Variants in FAM118A observed in about 807,000 individuals in gnomAD.
The protein encoded by FAM118A is SIR2 antiphage like 2, also known as protein FAM118A.
A neutral mutation model predicts 38.2 loss-of-function variants in FAM118A; 25 were observed. The observed-to-expected ratio is 0.65, with a 90% CI of 0.48 to 0.91. The LOEUF (loss-of-function observed/expected upper bound fraction) is 0.91, where lower values mean the gene tolerates loss of function less well. Ranked by LOEUF, FAM118A falls within the 40% of genes least tolerant of loss-of-function variation. The pLI is 0.00. For synonymous variants in FAM118A, 178 were observed against 184.1 expected, an observed-to-expected ratio of 0.97 and a Z score of 0.27; for missense variants, 425 against 463.3, an observed-to-expected ratio of 0.92 and a Z score of 0.76.
At chr22:45,329,493 GAT>G (rs1156475787) in intron 4 of FAM118A, 1 of 152,198 alleles carries the variant, frequency 6.6e-6, no homozygotes, top group Non-Finnish European at 1.5e-5. Context: ...TGTGACTCTT[GAT>G]ATTTCTTTTG....
At position 45,327,876 on chromosome 22, in the gene FAM118A, A is replaced by G; in HGVS notation, c.335A>G (p.Asp112Gly). ...GATGCCAAGCCCAGCTTCTTCCAGG[A>G]CTGCCTGATGGAGGTGTTTGACGAC... The part of the protein sequence containing the change: ...TGDAKPSFFQ[D>G]CLMEVFDDLE... Residue 112 changes from aspartate (D) to glycine (G), a missense_variant, in exon 4 of 9, where the codon GAC becomes GGC. Physicochemically the swap from Asp to Gly is moderately conservative, Grantham distance 94. Coordinates refer to ENST00000441876, the MANE Select transcript of FAM118A (RefSeq NM_017911.4). 2 of 1,614,240 alleles carry G rather than the reference A, an allele frequency of 1.2e-6. No homozygotes were observed. Among genetic ancestry groups the G allele is most frequent in the South Asian group, 2.2e-5 (2 of 91,084 alleles).
At chr22:45,315,070 G>T (rs986483316) in intron 1 of FAM118A, among the ~76,000 whole-genome samples, 3 of 152,178 alleles carry the variant, frequency 2.0e-5, no homozygotes, top group Non-Finnish European at 1.5e-5. Context: ...CTCTATTAAA[G>T]GCTGAAAAAG....
chr22:45,315,900 G>A (rs888868647), intron 1 of FAM118A, among the ~76,000 whole-genome samples: 1 of 152,160 alleles, frequency 6.6e-6, no homozygotes, highest in Non-Finnish European at 1.5e-5. Flanking sequence ...TTAATTTTTT[G>A]CCCATTTGTG....
At chr22:45,310,761 G>A (rs2084328943) in intron 1 of FAM118A, among the ~76,000 whole-genome samples, 1 of 152,146 alleles carries the variant, frequency 6.6e-6, no homozygotes. Flanking sequence ...CCGGGTTTAA[G>A]TTTTAATGTT....
intron 1 of FAM118A, among the ~76,000 whole-genome samples, chr22:45,311,590 G>A (rs2084367986): frequency 6.6e-6 from 1 of 152,176 alleles, no homozygotes; most frequent in Non-Finnish European, 1.5e-5. Context: ...CAGGACCAAA[G>A]CATGCCCAGT....
At chr22:45,329,883 G>T (rs1315766058) in intron 4 of FAM118A, 1 of 152,300 alleles carries the variant, frequency 6.6e-6, no homozygotes, top group Non-Finnish European at 1.5e-5. Context: ...CTGCTGTGCG[G>T]GCTCCGGGGT....
At chr22:45,340,287 G>T (rs2086398665) in intron 8 of FAM118A, 99 bp from the exon 9 acceptor site, 4 of 1,442,350 alleles carry the variant, frequency 2.8e-6, no homozygotes, top group South Asian at 1.2e-5. Context: ...CCGTACATAA[G>T]AACAATTGTA....
At chr22:45,322,219 C>T (rs371156699) in intron 1 of FAM118A, 152 bp from the exon 2 acceptor site, 74 of 1,536,446 alleles carry the variant, frequency 4.8e-5, no homozygotes, top group Admixed American at 5.9e-5. Context: ...TTTGGATGTA[C>T]GTCATTTGCG....
rs1279576471 is a variant in FAM118A, at chr22:45,332,407, T to C, written c.652-18T>C. 2.5e-6 allele frequency: 4 copies of C among 1,599,336 alleles called. No individual in the cohort carries two copies. The highest frequency in any genetic ancestry group is 3.4e-6 in the Non-Finnish European group (4 of 1,173,448). On this transcript the variant is annotated intron_variant, in intron 5 of 8. Coordinates refer to ENST00000441876, the MANE Select transcript of FAM118A (RefSeq NM_017911.4). ...GTCTTTCAAATGAGCACTCAATTTC[T>C]TCATTGGCCTTTTCTAGGAAGTCCT...
chr22:45,322,462 T>A, intron 2 of FAM118A, 36 bp downstream of exon 2: 1 of 1,565,978 alleles, frequency 6.4e-7, no homozygotes, highest in Non-Finnish European at 8.7e-7. Flanking sequence ...AGCAGCTTCA[T>A]TGACTTCATC....
intron 6 of FAM118A, 124 bp from the exon 7 acceptor site, chr22:45,335,226 G>A (rs1001143257): frequency 2.0e-5 from 20 of 1,019,440 alleles, no homozygotes; most frequent in Admixed American, 4.2e-5. Context: ...CGCAGCCCGC[G>A]CGGGCTGACC....
intron 7 of FAM118A, 66 bp from the exon 8 acceptor site, chr22:45,336,262 T>C (rs2086087991): frequency 7.4e-7 from 1 of 1,346,784 alleles, no homozygotes; most frequent in Non-Finnish European, 1.1e-6. Context: ...AAGGTCACAT[T>C]ATGAACTGTG....
At chr22:45,339,864 T>C (rs983809487) in intron 8 of FAM118A, among the ~76,000 whole-genome samples, 1 of 152,156 alleles carries the variant, frequency 6.6e-6, no homozygotes, top group Admixed American at 6.5e-5. Flanking sequence ...AGGGGTTTTC[T>C]TCAATACCTG....
In FAM118A at chr22:45,323,347, G is replaced by A. The variant is rs34197967; in HGVS notation, c.220G>A (p.Val74Ile). The A allele has an allele frequency of 6.1e-5, 99 of 1,614,152 alleles. 4 individuals are homozygous for A. Among genetic ancestry groups the A allele is most frequent in the African/African-American group, 5.3e-4 (40 of 75,016 alleles). ...EQLEVLHPGD[V>I]AEFRRKVTKD... ...GCTGGAGGTGCTGCACCCCGGAGAC[G>A]TCGCCGAGTTCCGGAGGAAAGTGAC... Residue 74 changes from valine to isoleucine, a missense_variant, in exon 3 of 9, where the codon GTC becomes ATC. Val to Ile is a conservative substitution (Grantham distance 29). Coordinates refer to ENST00000441876, the MANE Select transcript of FAM118A (RefSeq NM_017911.4).
At chr22:45,324,291 G>A (rs571474021) in intron 3 of FAM118A, among the ~76,000 whole-genome samples, 42 of 152,328 alleles carry the variant, frequency 2.8e-4, no homozygotes, top group East Asian at 1.2e-3. Context: ...CATGGTGGCC[G>A]GGCAGGGCCC....
chr22:45,315,296 GAATA>G (rs1275687927), intron 1 of FAM118A, among the ~76,000 whole-genome samples: 1 of 152,138 alleles, frequency 6.6e-6, no homozygotes, highest in African/African-American at 2.4e-5. Context: ...AAGTTCAACA[GAATA>G]AAAAGTAATT....
At chr22:45,329,573 T>G (rs536196574) in intron 4 of FAM118A, 2 of 152,402 alleles carry the variant, frequency 1.3e-5, no homozygotes, top group South Asian at 4.1e-4. Context: ...CTGTGTTGTC[T>G]GGGCTGCCTT....
At chr22:45,331,875 C>A (rs903859094) in intron 5 of FAM118A, among the ~76,000 whole-genome samples, 1 of 139,740 alleles carries the variant, frequency 7.2e-6, no homozygotes, top group African/African-American at 3.1e-5. Context: ...CCACCCGACC[C>A]CGTCAGTCAT....
Position 45,340,372 on chromosome 22 carries a change from T to G in FAM118A, c.1055-14T>G, listed in dbSNP as rs753727926. 6 of 1,614,200 alleles carry G rather than the reference T, an allele frequency of 3.7e-6. No individual in the cohort carries two copies. Among genetic ancestry groups the G allele is most frequent in the East Asian group, 2.2e-5 (1 of 44,888 alleles). On this transcript the variant is annotated splice_polypyrimidine_tract_variant and intron_variant, in intron 8 of 8. Coordinates refer to ENST00000441876, the MANE Select transcript of FAM118A (RefSeq NM_017911.4). The stretch of plus-strand genomic sequence containing the variant: ...ACTTTAACCCTTGGGCATTTCATTC[T>G]TTTATTTAAACAGATGATGCTGGAG...
Sources: allele counts gnomAD v4.1 joint callset (sites outside exome capture counted in the v4.1 genomes callset), GRCh38; gene constraint gnomAD v4.1.1; transcripts MANE v1.5; gene names NCBI Gene and HGNC (gene_info 2026-07-23, HGNC 2026-07-21).